The following CCDC126 variants were observed in gnomAD, a reference collection of about 807,000 sequenced individuals.
CCDC126 encodes coiled-coil domain-containing protein 126.
CCDC126 carries 5 observed loss-of-function variants against 11.7 expected under a neutral mutation model. The ratio of observed to expected loss-of-function variants is 0.43; its 90% CI spans 0.22 to 0.90. The LOEUF (loss-of-function observed/expected upper bound fraction) is 0.90, where lower values mean the gene tolerates loss of function less well. Ranked by LOEUF, CCDC126 falls within the 40% of genes least tolerant of loss-of-function variation. The pLI is 0.27. For synonymous variants in CCDC126, 60 were observed against 61.9 expected (o/e 0.97, Z 0.14); for missense variants, 150 against 163.1 (o/e 0.92, Z 0.44).
intron 3 of CCDC126, among the ~76,000 whole-genome samples, chr7:23,638,153 C>G (rs1404033853): frequency 2.0e-5 from 3 of 150,848 alleles, no homozygotes; most frequent in Admixed American, 2.0e-4. Context: ...CGCTTCTGCC[C>G]GGCCGCCCCT....
At chr7:23,609,076 T>G (rs1318614928) in intron 2 of CCDC126, among the ~76,000 whole-genome samples, 1 of 152,136 alleles carries the variant, frequency 6.6e-6, no homozygotes, top group Non-Finnish European at 1.5e-5. Flanking sequence ...TTGCAGAATA[T>G]CTCAAGCATT....
intron 3 of CCDC126, among the ~76,000 whole-genome samples, chr7:23,623,593 C>CAAA (rs35474549): frequency 1.9e-5 from 2 of 107,840 alleles, no homozygotes; most frequent in Non-Finnish European, 3.8e-5. Context: ...GAGACTGTCT[C>CAAA]AAAAAAAAAA....
At chr7:23,623,087 C>G (rs976826236) in intron 3 of CCDC126, among the ~76,000 whole-genome samples, 1 of 149,970 alleles carries the variant, frequency 6.7e-6, no homozygotes, top group Non-Finnish European at 1.5e-5. Flanking sequence ...GGTTCTCCTG[C>G]CTTAGCCTCC....
intron 3 of CCDC126, among the ~76,000 whole-genome samples, chr7:23,616,839 T>G (rs1358725896): frequency 6.6e-6 from 1 of 152,228 alleles, no homozygotes; most frequent in African/African-American, 2.4e-5. Flanking sequence ...TGGGATATTT[T>G]CTTAATTTAT....
Position 23,611,849 on chromosome 7 carries a change from A to C in CCDC126, c.238+296A>C, listed in dbSNP as rs185541968. On this transcript the variant is annotated intron_variant, in intron 3 of 3. Coordinates refer to ENST00000307471, the MANE Select transcript of CCDC126 (RefSeq NM_138771.4). Reference sequence around the variant, plus strand: ...CTGCTAGATATATATCGCTGAAAAAAATGTATGTTGGAGGCCGGGCGTGAT... The same window carrying C: ...CTGCTAGATATATATCGCTGAAAAACATGTATGTTGGAGGCCGGGCGTGAT... Among the ~76,000 whole-genome samples the C allele has an allele frequency of 2.8e-4, 42 of 152,344 alleles. No homozygotes were observed. In the East Asian group the frequency reaches 7.9e-3, roughly 29 times the overall value.
intron 3 of CCDC126, among the ~76,000 whole-genome samples, chr7:23,637,260 G>A (rs1175975118): frequency 1.9e-3 from 2 of 1,074 alleles, no homozygotes; most frequent in African/African-American, 4.3e-3. Context: ...GGTGGGGGGG[G>A]TCAGCCCCCC....
chr7:23,624,650 C>G (rs1284064511), intron 3 of CCDC126, among the ~76,000 whole-genome samples: 1 of 152,130 alleles, frequency 6.6e-6, no homozygotes, highest in Admixed American at 6.5e-5. Context: ...GATAGGTGGC[C>G]ATTCAGCTGT....
rs1045522647 is a variant in CCDC126 at position 23,631,303 on chromosome 7, A to G, written c.239-11628A>G. On this transcript the variant is annotated intron_variant, in intron 3 of 3. Transcript: ENST00000307471. ...ACATAAATTACCAACATCAGGAATG[A>G]AAAAATGAATATCAGGGCAGACCCT... Among the ~76,000 whole-genome samples the G allele has an allele frequency of 2.6e-5, 4 of 152,312 alleles. No homozygotes were observed. In the South Asian group the frequency reaches 8.3e-4, roughly 32 times the overall value.
intron 3 of CCDC126, among the ~76,000 whole-genome samples, chr7:23,617,857 A>AAAATACAGT (rs1320426822): frequency 8.5e-5 from 13 of 152,344 alleles, no homozygotes; most frequent in South Asian, 8.3e-4. Context: ...TCTGTAATTG[A>AAAATACAGT]ATTTGTGGAT....
chr7:23,606,085 G>A lies in CCDC126; in HGVS notation c.-145-5086G>A, dbSNP rs547165369. On this transcript the variant is annotated intron_variant, in intron 2 of 3. Transcript: ENST00000307471. ...TATTTATTTATGTTTTTGAGACCGA[G>A]TCTTGCTCTGTCGCCCAGGCTGGAG... Among the ~76,000 whole-genome samples, 8 of 152,052 alleles carry A rather than the reference G, an allele frequency of 5.3e-5. No homozygotes were observed. In the South Asian group the frequency reaches 1.7e-3, roughly 32 times the overall value.
intron 3 of CCDC126, chr7:23,619,580 G>A (rs227924): frequency 0.75 from 165,932 of 220,628 alleles, 63,267 homozygotes; most frequent in African/African-American, 0.89. Context: ...TTTTTTTTAA[G>A]AAAAATATAT....
At chr7:23,619,569 C>CT (rs890479326) in intron 3 of CCDC126, 17 of 236,790 alleles carry the variant, frequency 7.2e-5, no homozygotes, top group South Asian at 1.8e-4. Flanking sequence ...TTTATTTTTT[C>CT]TTTTTTTTAA....
chr7:23,643,307 G>A lies in CCDC126; in HGVS notation c.*192G>A. 3.7e-6 allele frequency: 2 copies of A among 542,040 alleles called. No homozygotes were observed. The highest frequency in any genetic ancestry group is 3.0e-5 in the East Asian group (1 of 32,838). 33.6% of individuals were successfully genotyped at this position (542,040 alleles called of 1,614,324 possible). A position where few individuals can be genotyped will look rare whatever the true frequency, so the allele number is the denominator to read the frequency against. ...TTTAAAGTTATTTGTTTGCTTTCAGGCAAGTCTGTTCAATGCTGTACTATG... is the reference window on the plus strand; with the variant it reads ...TTTAAAGTTATTTGTTTGCTTTCAGACAAGTCTGTTCAATGCTGTACTATG... On this transcript the variant is annotated 3_prime_UTR_variant, in exon 4 of 4. Coordinates refer to ENST00000307471, the MANE Select transcript of CCDC126 (RefSeq NM_138771.4).
Position 23,643,184 on chromosome 7 carries a change from T to C in CCDC126, c.*69T>C. ...ATCCTATGGCAGAAAAGCTTTATAATTGCTGGCTTAGGACAGAGCAATACT... is the reference window on the plus strand; with the variant it reads ...ATCCTATGGCAGAAAAGCTTTATAACTGCTGGCTTAGGACAGAGCAATACT... On this transcript the variant is annotated 3_prime_UTR_variant, in exon 4 of 4. Coordinates refer to ENST00000307471, the MANE Select transcript of CCDC126 (RefSeq NM_138771.4). 2.1e-6 allele frequency: 3 copies of C among 1,398,844 alleles called. No individual in the cohort carries two copies. The highest frequency in any genetic ancestry group is 1.3e-5 in the South Asian group (1 of 76,338). 86.7% of individuals were successfully genotyped at this position (1,398,844 alleles called of 1,614,324 possible).
In CCDC126 at chr7:23,611,865, C is replaced by T. The variant is rs190800862; in HGVS notation, c.238+312C>T. On this transcript the variant is annotated intron_variant, in intron 3 of 3. Transcript: ENST00000307471. ...GCTGAAAAAAATGTATGTTGGAGGC[C>T]GGGCGTGATGGCTCACGCCTGTAAT... Among the ~76,000 whole-genome samples, 72 of 152,230 alleles carry T rather than the reference C, an allele frequency of 4.7e-4. No individual in the cohort carries two copies. In the East Asian group the frequency reaches 0.011, roughly 23 times the overall value.
At chr7:23,605,729 G>A (rs1010232095) in intron 2 of CCDC126, among the ~76,000 whole-genome samples, 4 of 152,094 alleles carry the variant, frequency 2.6e-5, no homozygotes, top group African/African-American at 9.7e-5. Flanking sequence ...GGACACTTGG[G>A]TTGTTTCCAC....
At chr7:23,608,098 C>T (rs1325142943) in intron 2 of CCDC126, among the ~76,000 whole-genome samples, 4 of 152,164 alleles carry the variant, frequency 2.6e-5, no homozygotes, top group Admixed American at 6.5e-5. Context: ...CATACCCATT[C>T]CTAGGTCCTG....
At chr7:23,622,634 C>T in intron 3 of CCDC126, 1 of 535,774 alleles carries the variant, frequency 1.9e-6, no homozygotes, top group Non-Finnish European at 3.8e-6. Flanking sequence ...AGCCAAGGAT[C>T]CAAGGTTTGT....
intron 3 of CCDC126, among the ~76,000 whole-genome samples, chr7:23,623,075 G>A (rs113348530): frequency 5.0e-4 from 75 of 150,840 alleles, no homozygotes; most frequent in African/African-American, 1.8e-3. Context: ...CCGGGTTCAG[G>A]CGGTTCTCCT....
Sources: allele counts gnomAD v4.1 joint callset (sites outside exome capture counted in the v4.1 genomes callset), GRCh38; gene constraint gnomAD v4.1.1; transcripts MANE v1.5; gene names NCBI Gene and HGNC (gene_info 2026-07-23, HGNC 2026-07-21).